Variants in MIGA1 observed in about 807,000 individuals in gnomAD.
MIGA1 encodes family with sequence similarity 73, member A.
Under a neutral mutation model 82.0 loss-of-function variants are expected in MIGA1, and 58 were observed. The ratio of observed to expected loss-of-function variants is 0.71; its 90% CI spans 0.57 to 0.88. The LOEUF is 0.88. Ranked by LOEUF, MIGA1 falls within the 40% of genes least tolerant of loss-of-function variation. The pLI is 0.00. For missense variants in MIGA1, 751 were observed against 749.1 expected, an observed-to-expected ratio of 1.00 and a Z score of -0.03; for synonymous variants, 249 against 253.6, an observed-to-expected ratio of 0.98 and a Z score of 0.17.
Position 77,785,346 on chromosome 1 carries a change from T to A in MIGA1, c.195+1995T>A, listed in dbSNP as rs560385266. Among the ~76,000 whole-genome samples, 709 of 142,872 alleles carry A rather than the reference T, an allele frequency of 5.0e-3. 3 individuals are homozygous for A. The highest frequency in any genetic ancestry group is 7.6e-3 in the Non-Finnish European group (494 of 65,410). The allele number at this position is 142,872 out of a possible 152,430, so 93.7% of individuals were successfully genotyped here. ...TGAAATCCAGCAGGGCAGTCAAAAATTTTTTTTTTTTTTTGAGAGGGAGTT... is the reference window on the plus strand; with the variant it reads ...TGAAATCCAGCAGGGCAGTCAAAAAATTTTTTTTTTTTTTGAGAGGGAGTT... On this transcript the variant is annotated intron_variant, in intron 2 of 15. Coordinates refer to ENST00000370791, the MANE Select transcript of MIGA1 (RefSeq NM_198549.4).
At chr1:77,839,238 A>G (rs1189098568) in intron 7 of MIGA1, among the ~76,000 whole-genome samples, 1 of 151,560 alleles carries the variant, frequency 6.6e-6, no homozygotes, top group Non-Finnish European at 1.5e-5. Context: ...AATAATAATA[A>G]TAACCATTTT....
chr1:77,840,307 A>G (rs1185423746), intron 7 of MIGA1, among the ~76,000 whole-genome samples: 5 of 152,082 alleles, frequency 3.3e-5, no homozygotes, highest in African/African-American at 1.2e-4. Flanking sequence ...TCTTTGTTAG[A>G]TTTTTTAAAA....
At chr1:77,841,750 T>TCTTTTCTTTC (rs1684634714) in intron 7 of MIGA1, among the ~76,000 whole-genome samples, 1 of 151,284 alleles carries the variant, frequency 6.6e-6, no homozygotes, top group Non-Finnish European at 1.5e-5. Flanking sequence ...TCTTTTCTTT[T>TCTTTTCTTTC]CTTTCTTTGT....
chr1:77,866,363 T>C lies in MIGA1; in HGVS notation c.1535T>C (p.Val512Ala), dbSNP rs772486429. ...GCTGTGGCTTCAAGTTGTTGGTCGGTGCTGAAACAGAAAAGACAACAGATG... is the reference window on the plus strand; with the variant it reads ...GCTGTGGCTTCAAGTTGTTGGTCGGCGCTGAAACAGAAAAGACAACAGATG... The change falls in exon 14 of 16, where the codon GTG (valine) becomes GCG (alanine). Residue 512 changes from valine (V) to alanine (A), a missense_variant. Transcript: ENST00000370791. 2.5e-6 allele frequency: 4 copies of C among 1,614,140 alleles called. No homozygotes were observed. Among genetic ancestry groups the C allele is most frequent in the Non-Finnish European group, 2.5e-6 (3 of 1,179,994 alleles).
At chr1:77,795,677 T>G (rs1262207845) in intron 2 of MIGA1, among the ~76,000 whole-genome samples, 1 of 151,006 alleles carries the variant, frequency 6.6e-6, no homozygotes, top group Non-Finnish European at 1.5e-5. Flanking sequence ...TCGTTGAGGC[T>G]GGAGTGTAGT....
rs773705300 is a variant in MIGA1 at position 77,874,935 on chromosome 1, G to GTT, written c.1771_1772dup (p.Leu591PhefsTer10). 6.2e-7 allele frequency: 1 copy of GTT among 1,614,136 alleles called. No individual in the cohort carries two copies. Among genetic ancestry groups the GTT allele is most frequent in the South Asian group, 1.1e-5 (1 of 91,074 alleles). On this transcript the variant is annotated frameshift_variant, in exon 16 of 16. Transcript: ENST00000370791. LOFTEE classifies it high-confidence loss of function. ...AGACTTTAGCTGAAGACCTCATGCA[G>GTT]TTACTCATTCGCCGCACTGAGCTTT...
intron 12 of MIGA1, among the ~76,000 whole-genome samples, chr1:77,863,285 A>G (rs893118827): frequency 6.6e-6 from 1 of 151,994 alleles, no homozygotes; most frequent in African/African-American, 2.4e-5. Flanking sequence ...TAGTCTTTAT[A>G]TTTCCCGATT....
At chr1:77,869,557 T>C (rs1420587036) in intron 14 of MIGA1, among the ~76,000 whole-genome samples, 6 of 135,974 alleles carry the variant, frequency 4.4e-5, no homozygotes, top group Admixed American at 1.4e-4. Context: ...ATGGGGCGGC[T>C]GGCCGGGCGG....
At chr1:77,791,258 A>AC (rs902762034) in intron 2 of MIGA1, among the ~76,000 whole-genome samples, 6 of 150,720 alleles carry the variant, frequency 4.0e-5, no homozygotes, top group East Asian at 3.9e-4. Flanking sequence ...AAAAAAAAAA[A>AC]AAAAAAACAA....
chr1:77,874,757 C>A (rs1646880807), intron 15 of MIGA1, 89 bp from the exon 16 acceptor site: 9 of 872,106 alleles, frequency 1.0e-5, no homozygotes, highest in Non-Finnish European at 1.6e-5. Context: ...TCTTCTGAGT[C>A]CTGATTCAGT....
rs187963163 is a variant in MIGA1 at position 77,863,643 on chromosome 1, G to T, written c.1375-251G>T. Among the ~76,000 whole-genome samples the T allele has an allele frequency of 4.9e-3, 745 of 152,304 alleles. 2 individuals carry two copies. The highest frequency in any genetic ancestry group is 7.6e-3 in the Non-Finnish European group (520 of 68,026). ...GCATCCTGGATGTTATAATAGAAGC[G>T]TGAACAAAGGACTCCTAGAATAGAG... On this transcript the variant is annotated intron_variant, in intron 12 of 15. Transcript: ENST00000370791.
rs780827598 is a variant in MIGA1, at chr1:77,815,125, A to G, written c.789A>G (p.Glu263=). 6 of 1,595,210 alleles carry G rather than the reference A, an allele frequency of 3.8e-6. No homozygotes were observed. The highest frequency in any genetic ancestry group is 4.3e-6 in the Non-Finnish European group (5 of 1,167,968). Residue 263 remains glutamate, a synonymous_variant, in exon 7 of 16, where the codon GAA becomes GAG. Coordinates refer to ENST00000370791, the MANE Select transcript of MIGA1 (RefSeq NM_198549.4). The stretch of plus-strand genomic sequence containing the variant: ...CCTTGTAGGATATTATTAGTACTGA[A>G]TTTATCCATAAACTCGAAGCTCTGC...
At chr1:77,853,344 T>G (rs1222772349) in intron 8 of MIGA1, 3 of 155,370 alleles carry the variant, frequency 1.9e-5, no homozygotes. Context: ...CAAGCTGTAG[T>G]GTCAGGAGTC....
chr1:77,779,823 G>C (rs1449643565), intron 1 of MIGA1, 87 bp downstream of exon 1: 2 of 1,453,094 alleles, frequency 1.4e-6, no homozygotes, highest in Non-Finnish European at 1.8e-6. Context: ...CAGAGGCCTC[G>C]GGGCAGGGGT....
chr1:77,853,034 T>G (rs1685113638), intron 8 of MIGA1, among the ~76,000 whole-genome samples: 1 of 152,156 alleles, frequency 6.6e-6, no homozygotes, highest in Non-Finnish European at 1.5e-5. Context: ...TTGTAAGGGT[T>G]AAATAAATCA....
chr1:77,851,688 C>T (rs1361797395), intron 8 of MIGA1, among the ~76,000 whole-genome samples: 2 of 152,130 alleles, frequency 1.3e-5, no homozygotes, highest in Non-Finnish European at 2.9e-5. Context: ...ATGATATATT[C>T]TCACAGCTGC....
intron 13 of MIGA1, among the ~76,000 whole-genome samples, chr1:77,864,474 G>A (rs1002269920): frequency 1.5e-4 from 23 of 151,702 alleles, no homozygotes; most frequent in African/African-American, 5.1e-4. Flanking sequence ...TCAGGAGTTC[G>A]AGACCAGCCT....
At position 77,875,375 on chromosome 1, in the gene MIGA1, C is replaced by A. The variant is rs1400003112; in HGVS notation, c.*311C>A. On this transcript the variant is annotated 3_prime_UTR_variant, in exon 16 of 16. Transcript: ENST00000370791. The stretch of plus-strand genomic sequence containing the variant: ...AGTTAATTGGTTTGTCTTCTTGAAG[C>A]TGTCATTCTCAAAAGCTCTGTTTTT... 2 of 249,034 alleles carry A rather than the reference C, an allele frequency of 8.0e-6. No individual in the cohort carries two copies. The highest frequency in any genetic ancestry group is 1.6e-5 in the Non-Finnish European group (2 of 128,984). 15.4% of individuals were successfully genotyped at this position (249,034 alleles called of 1,614,324 possible). A position where few individuals can be genotyped will look rare whatever the true frequency, so the allele number is the denominator to read the frequency against.
chr1:77,806,372 G>C (rs183887982), intron 4 of MIGA1, among the ~76,000 whole-genome samples: 3 of 152,332 alleles, frequency 2.0e-5, no homozygotes, highest in Admixed American at 2.0e-4. Flanking sequence ...GAAAGTGTCT[G>C]TAGTTAGTTT....
Sources: allele counts gnomAD v4.1 joint callset (sites outside exome capture counted in the v4.1 genomes callset), GRCh38; gene constraint gnomAD v4.1.1; transcripts MANE v1.5; gene names NCBI Gene and HGNC (gene_info 2026-07-23, HGNC 2026-07-21).